Variants in CCNK observed in about 807,000 individuals in gnomAD.
The protein encoded by CCNK is cyclin K, also known as cyclin-K.
In CCNK, 9 loss-of-function variants were observed where a neutral mutation model predicts 65.0. The ratio of observed to expected loss-of-function variants is 0.14; its 90% CI spans 0.08 to 0.24. The LOEUF (loss-of-function observed/expected upper bound fraction) is 0.24. Among genes scored for constraint, CCNK ranks in the 10% least tolerant of loss-of-function variants. The pLI is 1.00. For synonymous variants in CCNK, 279 were observed against 270.8 expected, an observed-to-expected ratio of 1.03 and a Z score of -0.30; for missense variants, 474 against 720.0, an observed-to-expected ratio of 0.66 and a Z score of 3.91.
intron 4 of CCNK, 93 bp from the exon 5 acceptor site, chr14:99,500,673 G>A: frequency 4.8e-6 from 4 of 827,912 alleles, no homozygotes; most frequent in Non-Finnish European, 8.1e-6. Context: ...ATAACTTGAA[G>A]AGAGAATAAA....
Position 99,510,301 on chromosome 14 carries a change from C to T in CCNK, c.1262C>T (p.Pro421Leu), listed in dbSNP as rs1376841644. ...CCACCGCCGCTGCCACACCGGCCCC[C>T]GCCCCCACCCCCCTCCAGCTACATG... The part of the protein sequence containing the change: ...HQPPPLPHRP[P>L]PPPPSSYMTG... The change falls in exon 11 of 11, where the codon CCG becomes CTG. Residue 421 changes from proline (P) to leucine (L), a missense_variant. Around this residue, in one of 6 missense-constraint regions of CCNK, gnomAD observed 229 missense variants for 275.5 expected, o/e 0.83. Coordinates refer to ENST00000389879, the MANE Select transcript of CCNK (RefSeq NM_001099402.2). 5.8e-6 allele frequency: 9 copies of T among 1,553,042 alleles called. No homozygotes were observed. The highest frequency in any genetic ancestry group is 1.1e-5 in the South Asian group (1 of 87,466).
chr14:99,499,487 C>T (rs1359387516), intron 4 of CCNK, among the ~76,000 whole-genome samples: 1 of 152,124 alleles, frequency 6.6e-6, no homozygotes, highest in Non-Finnish European at 1.5e-5. Flanking sequence ...TAAAATAATA[C>T]CATGCTTCTA....
intron 4 of CCNK, chr14:99,500,287 TATATACACAC>T (rs1896792027): frequency 6.0e-6 from 1 of 165,876 alleles, no homozygotes; most frequent in Non-Finnish European, 1.3e-5. Flanking sequence ...TACATGAGTA[TATATACACAC>T]ACATACACAC....
At chr14:99,482,097 T>C (rs1043195044) in intron 1 of CCNK, among the ~76,000 whole-genome samples, 1 of 152,242 alleles carries the variant, frequency 6.6e-6, no homozygotes, top group Admixed American at 6.5e-5. Context: ...CTAGAGGTTA[T>C]GTGACAGCTC....
At chr14:99,492,536 T>C in intron 1 of CCNK, 90 bp from the exon 2 acceptor site, 1 of 695,980 alleles carries the variant, frequency 1.4e-6, no homozygotes, top group South Asian at 2.1e-5. Flanking sequence ...CTATAGGAAA[T>C]AGTGATCCCA....
chr14:99,500,164 T>C (rs181391864), intron 4 of CCNK: 4 of 152,434 alleles, frequency 2.6e-5, no homozygotes, highest in Admixed American at 2.6e-4. Context: ...TTAAATAAAA[T>C]TGGAAATGAT....
Position 99,492,713 on chromosome 14 carries a change from A to G in CCNK, c.36A>G (p.Val12=). The part of the protein sequence containing the change: ...KENKENSSPS[V]TSANLDHTKP... Reference sequence around the variant, plus strand: ...ATAAAGAAAATTCAAGCCCTTCAGTAACTTCAGCAAACCTGGACCACACAA... The same window carrying G: ...ATAAAGAAAATTCAAGCCCTTCAGTGACTTCAGCAAACCTGGACCACACAA... The change falls in exon 2 of 11, where the codon GTA becomes GTG. Residue 12 remains valine (V), a synonymous_variant. Transcript: ENST00000389879. 1 of 1,610,454 alleles carries G rather than the reference A, an allele frequency of 6.2e-7. No homozygotes were observed. Among genetic ancestry groups the G allele is most frequent in the Non-Finnish European group, 8.5e-7 (1 of 1,179,004 alleles).
intron 4 of CCNK, among the ~76,000 whole-genome samples, chr14:99,496,485 C>T (rs1317089762): frequency 1.3e-5 from 2 of 151,220 alleles, no homozygotes; most frequent in South Asian, 2.1e-4. Context: ...CTGAGGCGGG[C>T]GGATCACGAG....
At chr14:99,486,546 T>C (rs1896490219) in intron 1 of CCNK, among the ~76,000 whole-genome samples, 1 of 152,252 alleles carries the variant, frequency 6.6e-6, no homozygotes. Context: ...CTGATAGATA[T>C]TTCCACAAAA....
intron 10 of CCNK, chr14:99,507,876 C>T (rs796801270): frequency 3.9e-5 from 6 of 152,324 alleles, no homozygotes; most frequent in African/African-American, 1.4e-4. Flanking sequence ...GCTGGAAAGC[C>T]TCTCTGATAC....
chr14:99,499,567 C>G (rs949524954), intron 4 of CCNK, among the ~76,000 whole-genome samples: 4 of 152,190 alleles, frequency 2.6e-5, no homozygotes, highest in African/African-American at 9.6e-5. Context: ...AACGCCCTGT[C>G]TTTGATGCCA....
chr14:99,503,314 AAACAGT>A (rs1896888189), intron 8 of CCNK: 1 of 605,976 alleles, frequency 1.7e-6, no homozygotes, highest in Non-Finnish European at 2.9e-6. Context: ...GCCTGACCCC[AAACAGT>A]GGACCGTTTC....
rs184488423 is a variant in CCNK, at chr14:99,482,467, A to T, written c.-53+988A>T. Among the ~76,000 whole-genome samples, 51 of 152,346 alleles carry T rather than the reference A, an allele frequency of 3.3e-4. 1 individual carries two copies. In the East Asian group the frequency reaches 8.7e-3, roughly 26 times the overall value. ...GATGGATGATGGTAGTGGTAGTAGT[A>T]TTGATAGACATTTGGATTAAAGTGC... is the stretch of plus-strand genomic sequence containing the variant. On this transcript the variant is annotated intron_variant, in intron 1 of 10. Coordinates refer to ENST00000389879, the MANE Select transcript of CCNK (RefSeq NM_001099402.2).
chr14:99,503,956 C>T (rs1307778328), intron 9 of CCNK: 3 of 376,770 alleles, frequency 8.0e-6, no homozygotes, highest in Admixed American at 4.4e-5. Flanking sequence ...ACTATTTACC[C>T]CCATCACAGC....
chr14:99,501,684 T>C, intron 6 of CCNK: 1 of 418,300 alleles, frequency 2.4e-6, no homozygotes, highest in Non-Finnish European at 4.2e-6. Context: ...CTGGAGAATT[T>C]TGAAAACTAA....
intron 9 of CCNK, chr14:99,506,370 G>A (rs1896975287): frequency 6.6e-6 from 1 of 152,306 alleles, no homozygotes; most frequent in Non-Finnish European, 1.5e-5. Flanking sequence ...CTTCTTAAAC[G>A]GATGAGATTG....
chr14:99,503,156 A>G, intron 8 of CCNK, 172 bp downstream of exon 8: 2 of 781,938 alleles, frequency 2.6e-6, no homozygotes, highest in Non-Finnish European at 4.4e-6. Flanking sequence ...AAGGTGCTCC[A>G]AGGACAGGCT....
rs530107981 is a variant in CCNK, at chr14:99,482,767, C to T, written c.-53+1288C>T. Among the ~76,000 whole-genome samples, 6 of 152,262 alleles carry T rather than the reference C, an allele frequency of 3.9e-5. No homozygotes were observed. In the East Asian group the frequency reaches 9.7e-4, roughly 24 times the overall value. On this transcript the variant is annotated intron_variant, in intron 1 of 10. Transcript: ENST00000389879. Reference sequence around the variant, plus strand: ...GGTTCTTAAATTTTAAATGCTGTTTCTAAAATTGAATGTCATAAAGAAAAA... The same window carrying T: ...GGTTCTTAAATTTTAAATGCTGTTTTTAAAATTGAATGTCATAAAGAAAAA...
At chr14:99,497,313 C>T (rs530920889) in intron 4 of CCNK, among the ~76,000 whole-genome samples, 1 of 152,336 alleles carries the variant, frequency 6.6e-6, no homozygotes, top group African/African-American at 2.4e-5. Flanking sequence ...TTCACCATTT[C>T]CAGAATGTCA....
Sources: allele counts gnomAD v4.1 joint callset (sites outside exome capture counted in the v4.1 genomes callset), GRCh38; gene constraint gnomAD v4.1.1; regional missense constraint gnomAD v4.1.1; transcripts MANE v1.5; gene names NCBI Gene and HGNC (gene_info 2026-07-23, HGNC 2026-07-21).